Variants in NR2F1 observed in about 807,000 individuals in gnomAD.
NR2F1 encodes the protein nuclear receptor subfamily 2 group F member 1.
NR2F1 carries 1 observed loss-of-function variant against 37.7 expected under a neutral mutation model. The observed-to-expected ratio is 0.03, with a 90% CI of 0.01 to 0.13. NR2F1 has a LOEUF of 0.13. NR2F1 is among the 10% of genes least tolerant of loss of function. NR2F1 has a pLI of 1.00. For missense variants in NR2F1, 268 were observed against 578.4 expected (o/e 0.46, Z 5.50); for synonymous variants, 275 against 259.6 (o/e 1.06, Z -0.57).
At chr5:93,589,442 T>C (rs774863257) in intron 2 of NR2F1, among the ~76,000 whole-genome samples, 1 of 151,982 alleles carries the variant, frequency 6.6e-6, no homozygotes, top group Non-Finnish European at 1.5e-5. Context: ...TGGGGAGAAA[T>C]AGAGACAAAG....
At chr5:93,587,058 A>T (rs930629981) in intron 1 of NR2F1, 2 of 148,768 alleles carry the variant, frequency 1.3e-5, no homozygotes, top group Non-Finnish European at 3.0e-5. Context: ...AAAAAAAAAA[A>T]CTTTGGTCAG....
intron 2 of NR2F1, chr5:93,592,002 C>A (rs1753338896): frequency 6.6e-6 from 1 of 152,196 alleles, no homozygotes; most frequent in Non-Finnish European, 1.5e-5. Flanking sequence ...AATTAGACAT[C>A]TGAGAGGAAC....
chr5:93,592,496 A>G (rs1753348475), intron 2 of NR2F1, among the ~76,000 whole-genome samples: 1 of 151,872 alleles, frequency 6.6e-6, no homozygotes, highest in East Asian at 2.0e-4. Context: ...TAGTTGATAT[A>G]ATATAATCTG....
At chr5:93,586,784 A>T (rs1331538627) in intron 1 of NR2F1, among the ~76,000 whole-genome samples, 1 of 152,202 alleles carries the variant, frequency 6.6e-6, no homozygotes, top group South Asian at 2.1e-4. Context: ...CCAAGTTCAA[A>T]ACTATAATTA....
chr5:93,593,887 G>A lies in NR2F1; in HGVS notation c.*45G>A, dbSNP rs987945623. ...TGCCCCGTCCCCCTAGAGACTCAGA[G>A]GACCCACCTGGGCCAAGGACTCCAA... On this transcript the variant is annotated 3_prime_UTR_variant, in exon 3 of 3. Transcript: ENST00000327111. This position sits in a 1 kb window ranked among gnomAD's most constrained non-coding sequence, Gnocchi z 5.6. 2.5e-6 allele frequency: 4 copies of A among 1,579,230 alleles called. No individual in the cohort carries two copies. The Admixed American group carries it at 5.1e-5, about 20-fold the overall frequency.
intron 2 of NR2F1, among the ~76,000 whole-genome samples, chr5:93,590,144 T>C (rs764002670): frequency 1.3e-5 from 2 of 152,238 alleles, no homozygotes; most frequent in African/African-American, 2.4e-5. Context: ...GCTGGCTCTC[T>C]ACTACCAGGC....
rs1309061034 is a variant in NR2F1 at position 93,583,539 on chromosome 5, A to G, written c.-1485A>G. On this transcript the variant is annotated 5_prime_UTR_variant, in exon 1 of 3. Transcript: ENST00000327111. ...GCTAAACTTAAAGAAAAAAAAAAGG[A>G]GGAGGAGGAGGAGGAGGCACCCCCT... The G allele has an allele frequency of 6.7e-6, 1 of 149,472 alleles. No homozygotes were observed. Among genetic ancestry groups the G allele is most frequent in the African/African-American group, 2.5e-5 (1 of 40,784 alleles). 9.3% of individuals were successfully genotyped at this position (149,472 alleles called of 1,614,324 possible). A position where few individuals can be genotyped will look rare whatever the true frequency, so the allele number is the denominator to read the frequency against.
intron 2 of NR2F1, among the ~76,000 whole-genome samples, chr5:93,592,687 C>T (rs1753352722): frequency 1.4e-5 from 2 of 145,458 alleles, no homozygotes; most frequent in South Asian, 4.7e-4. Flanking sequence ...CCCCTACCCC[C>T]CCAGTTCTGA....
At chr5:93,588,648 C>G (rs1046733793) in intron 2 of NR2F1, among the ~76,000 whole-genome samples, 4 of 150,466 alleles carry the variant, frequency 2.7e-5, no homozygotes, top group African/African-American at 9.7e-5. Context: ...CGCGGCGGTG[C>G]GGGAACCGAG....
At chr5:93,589,515 G>T (rs1753295924) in intron 2 of NR2F1, among the ~76,000 whole-genome samples, 1 of 152,264 alleles carries the variant, frequency 6.6e-6, no homozygotes, top group African/African-American at 2.4e-5. Flanking sequence ...TGCCCACTGT[G>T]AGTAGGGTTA....
At position 93,588,460 on chromosome 5, in the gene NR2F1, CG is replaced by C; in HGVS notation, c.991+20del. 6.5e-7 allele frequency: 1 copy of C among 1,532,534 alleles called. No homozygotes were observed. The highest frequency in any genetic ancestry group is 8.8e-7 in the Non-Finnish European group (1 of 1,136,428). The allele number at this position is 1,532,534 out of a possible 1,614,324, so 94.9% of individuals were successfully genotyped here. On this transcript the variant is annotated intron_variant, in intron 2 of 2. Coordinates refer to ENST00000327111, the MANE Select transcript of NR2F1 (RefSeq NM_005654.6). ...TTCACGTCAGGTGAGGCTGCGGTCG[CG>C]GGGAGGGCAGGCCGCGCCGGCAGCG...
Position 93,584,351 on chromosome 5 carries a change from G to A in NR2F1, c.-673G>A. On this transcript the variant is annotated 5_prime_UTR_variant, in exon 1 of 3. Transcript: ENST00000327111. The stretch of plus-strand genomic sequence containing the variant: ...GCCGCCGCCGCCTCCGCCCTCGCCG[G>A]CTTCCTCTATGTCGGCTCAGCCCGC... 1 of 150,216 alleles carries A rather than the reference G, an allele frequency of 6.7e-6. No homozygotes were observed. The highest frequency in any genetic ancestry group is 1.5e-5 in the Non-Finnish European group (1 of 67,236). 9.3% of individuals were successfully genotyped at this position (150,216 alleles called of 1,614,324 possible).
In NR2F1 at chr5:93,584,318, C is replaced by A; in HGVS notation, c.-706C>A. ...GCGCCTGCAGCCGCGACCTCCTCCT[C>A]CTCCGCCGCCGCCGCCGCCTCCGCC... On this transcript the variant is annotated 5_prime_UTR_variant, in exon 1 of 3. Coordinates refer to ENST00000327111, the MANE Select transcript of NR2F1 (RefSeq NM_005654.6). 6.7e-6 allele frequency: 1 copy of A among 150,264 alleles called. No homozygotes were observed. Among genetic ancestry groups the A allele is most frequent in the South Asian group, 1.8e-4 (1 of 5,592 alleles). The allele number at this position is 150,264 out of a possible 1,614,324, so 9.3% of individuals were successfully genotyped here. A position where few individuals can be genotyped will look rare whatever the true frequency, so the allele number is the denominator to read the frequency against.
At chr5:93,592,791 C>T (rs746585188) in intron 2 of NR2F1, among the ~76,000 whole-genome samples, 1 of 151,292 alleles carries the variant, frequency 6.6e-6, no homozygotes, top group Non-Finnish European at 1.5e-5. Flanking sequence ...CATATTCTTC[C>T]TGATTATTAT....
chr5:93,586,553 C>T (rs1027695105), intron 1 of NR2F1, among the ~76,000 whole-genome samples: 1 of 152,176 alleles, frequency 6.6e-6, no homozygotes, highest in Non-Finnish European at 1.5e-5. Context: ...GTCTTATAGT[C>T]AAATTAGCGA....
Position 93,588,273 on chromosome 5 carries a change from G to A in NR2F1, c.820G>A (p.Ala274Thr). ...AAQCSMPLHV[A>T]PLLAAAGLHA... ...CCAGTGCTCTATGCCGCTGCACGTGGCGCCGTTGCTGGCCGCCGCCGGCCT... is the reference window on the plus strand; with the variant it reads ...CCAGTGCTCTATGCCGCTGCACGTGACGCCGTTGCTGGCCGCCGCCGGCCT... Residue 274 changes from alanine to threonine, a missense_variant, in exon 2 of 3, where the codon GCG becomes ACG. Physicochemically the swap from Ala to Thr is moderately conservative, Grantham distance 58 (BLOSUM62 0). Transcript: ENST00000327111. The A allele has an allele frequency of 6.2e-7, 1 of 1,613,278 alleles. No homozygotes were observed. The highest frequency in any genetic ancestry group is 8.5e-7 in the Non-Finnish European group (1 of 1,179,820).
chr5:93,588,654 C>T (rs1245324059), intron 2 of NR2F1, among the ~76,000 whole-genome samples: 1 of 150,670 alleles, frequency 6.6e-6, no homozygotes, highest in Non-Finnish European at 1.5e-5. Flanking sequence ...GGTGCGGGAA[C>T]CGAGGCGGCG....
rs769788437 is a variant in NR2F1, at chr5:93,587,900, CTCTT to C, written c.464-11_464-8del. 3.2e-5 allele frequency: 49 copies of C among 1,547,798 alleles called. No homozygotes were observed. The highest frequency in any genetic ancestry group is 6.8e-5 in the African/African-American group (5 of 73,270). On this transcript the variant is annotated splice_polypyrimidine_tract_variant and intron_variant, in intron 1 of 2. Coordinates refer to ENST00000327111, the MANE Select transcript of NR2F1 (RefSeq NM_005654.6). ...CCTGGATGCACATTGCCTCTTTTCT[CTCTT>C]TCTTTTTGTCAGCGGTTCAGCGAGG...
At chr5:93,589,723 C>A (rs773530197) in intron 2 of NR2F1, among the ~76,000 whole-genome samples, 11 of 152,218 alleles carry the variant, frequency 7.2e-5, no homozygotes, top group Non-Finnish European at 7.3e-5. Context: ...ATCAATATTT[C>A]TTGGCTTTCA....
Sources: allele counts gnomAD v4.1 joint callset (sites outside exome capture counted in the v4.1 genomes callset), GRCh38; gene constraint gnomAD v4.1.1; non-coding constraint Gnocchi (gnomAD v3.1); transcripts MANE v1.5; gene names NCBI Gene and HGNC (gene_info 2026-07-23, HGNC 2026-07-21).